Variants in CTNNA1 observed in about 807,000 individuals in gnomAD.
CTNNA1 encodes catenin alpha 1, also known as catenin alpha-1.
In CTNNA1, 37 loss-of-function variants were observed where a neutral mutation model predicts 98.4. That is an observed-to-expected ratio of 0.38 (90% CI 0.29 to 0.49). The LOEUF (loss-of-function observed/expected upper bound fraction) is 0.49. Ranked by LOEUF, CTNNA1 falls within the 20% of genes least tolerant of loss-of-function variation. The pLI, the probability that CTNNA1 is intolerant of heterozygous loss-of-function variation, is 0.95. For missense variants in CTNNA1, 761 were observed against 1,147.2 expected (o/e 0.66, Z 4.86); for synonymous variants, 404 against 413.2 (o/e 0.98, Z 0.27).
At chr5:138,872,929 G>T in intron 7 of CTNNA1, 1 of 992,162 alleles carries the variant, frequency 1.0e-6, no homozygotes, top group Non-Finnish European at 1.4e-6. Context: ...TGTCACCATT[G>T]GTAAAAATTA....
chr5:138,864,857 C>G (rs993934752), intron 7 of CTNNA1, among the ~76,000 whole-genome samples: 1 of 151,958 alleles, frequency 6.6e-6, no homozygotes, highest in African/African-American at 2.4e-5. Flanking sequence ...CTCTGTTGCC[C>G]AGGCTGGAGT....
At chr5:138,903,929 T>A (rs1309449878) in intron 9 of CTNNA1, among the ~76,000 whole-genome samples, 1 of 152,236 alleles carries the variant, frequency 6.6e-6, no homozygotes, top group Admixed American at 6.5e-5. Flanking sequence ...TTAGAGTTTT[T>A]TATTTCCTTC....
intron 10 of CTNNA1, among the ~76,000 whole-genome samples, chr5:138,910,863 C>T (rs1471920574): frequency 1.3e-5 from 2 of 152,112 alleles, no homozygotes; most frequent in Non-Finnish European, 2.9e-5. Flanking sequence ...AGGCCTTGGT[C>T]GTAGGCCTTT....
rs933844305 is a variant in CTNNA1 at position 138,924,813 on chromosome 5, C to T, written c.1747+103C>T. The T allele has an allele frequency of 4.6e-6, 5 of 1,095,526 alleles. No homozygotes were observed. The African/African-American group carries it at 4.7e-5, about 10-fold the overall frequency. The allele number at this position is 1,095,526 out of a possible 1,614,324, so 67.9% of individuals were successfully genotyped here. A position where few individuals can be genotyped will look rare whatever the true frequency, so the allele number is the denominator to read the frequency against. ...GTGGTGAGGAAGGAGGAGTTGGGAA[C>T]TCAGATTTGGTCTCATGGCACATCG... On this transcript the variant is annotated intron_variant, in intron 12 of 17. Coordinates refer to ENST00000302763, the MANE Select transcript of CTNNA1 (RefSeq NM_001903.5).
At chr5:138,853,468 C>G (rs760927349) in intron 7 of CTNNA1, among the ~76,000 whole-genome samples, 5 of 150,304 alleles carry the variant, frequency 3.3e-5, no homozygotes, top group Non-Finnish European at 7.4e-5. Flanking sequence ...CTTTTTTAAT[C>G]CTTCCTAGCC....
intron 8 of CTNNA1, among the ~76,000 whole-genome samples, chr5:138,887,220 G>A (rs1315458241): frequency 1.3e-5 from 2 of 152,018 alleles, no homozygotes; most frequent in African/African-American, 4.8e-5. Context: ...CCCTAGTTTT[G>A]TAATTCCCAA....
chr5:138,824,586 G>A lies in CTNNA1; in HGVS notation c.645G>A (p.Gln215=). Residue 215 remains glutamine (Q), a synonymous_variant, in exon 6 of 18, where the codon CAG becomes CAA. Coordinates refer to ENST00000302763, the MANE Select transcript of CTNNA1 (RefSeq NM_001903.5). ...DQMAAARGIL[Q]KNVPILYTAS... is the part of the protein sequence containing the mutation. ...TGGCTGCAGCTAGAGGAATCCTGCAGAAGAACGTTCCGATCCTCTATACTG... is the reference window on the plus strand; with the variant it reads ...TGGCTGCAGCTAGAGGAATCCTGCAAAAGAACGTTCCGATCCTCTATACTG... 6.2e-7 allele frequency: 1 copy of A among 1,614,188 alleles called. No individual in the cohort carries two copies. The highest frequency in any genetic ancestry group is 1.1e-5 in the South Asian group (1 of 91,092).
At chr5:138,813,884 C>G (rs1243838996) in intron 5 of CTNNA1, among the ~76,000 whole-genome samples, 1 of 152,146 alleles carries the variant, frequency 6.6e-6, no homozygotes, top group Non-Finnish European at 1.5e-5. Context: ...TCCCAAGGTA[C>G]TGGGATTACA....
intron 7 of CTNNA1, among the ~76,000 whole-genome samples, chr5:138,850,732 G>C (rs1035172507): frequency 6.6e-6 from 1 of 152,128 alleles, no homozygotes; most frequent in East Asian, 1.9e-4. Context: ...TCTGGATCCA[G>C]GGTCTTATCC....
intron 3 of CTNNA1, among the ~76,000 whole-genome samples, chr5:138,791,200 C>T (rs993153841): frequency 6.6e-6 from 1 of 152,104 alleles, no homozygotes; most frequent in African/African-American, 2.4e-5. Flanking sequence ...GCTTTCAGGT[C>T]ATTCCATTTC....
chr5:138,812,017 T>C (rs906414408), intron 4 of CTNNA1, 166 bp from the exon 5 acceptor site: 2 of 566,570 alleles, frequency 3.5e-6, no homozygotes, highest in African/African-American at 3.8e-5. Flanking sequence ...ATGAAGCTCC[T>C]GTGTAATTGC....
intron 7 of CTNNA1, chr5:138,870,796 G>C (rs1008183254): frequency 6.6e-6 from 1 of 152,152 alleles, no homozygotes; most frequent in East Asian, 1.9e-4. Context: ...ATTTTAGCTC[G>C]TGGTGCTCTT....
chr5:138,909,806 A>G (rs1046371885), intron 10 of CTNNA1, among the ~76,000 whole-genome samples: 3 of 152,188 alleles, frequency 2.0e-5, no homozygotes, highest in African/African-American at 7.2e-5. Context: ...CACACATCAA[A>G]TAAGCATAAA....
chr5:138,931,075 A>T (rs939619229), intron 16 of CTNNA1, 140 bp downstream of exon 16: 3 of 640,806 alleles, frequency 4.7e-6, no homozygotes, highest in African/African-American at 3.7e-5. Flanking sequence ...TAATCCCAGC[A>T]TAGATTTGTA....
intron 10 of CTNNA1, among the ~76,000 whole-genome samples, chr5:138,914,212 G>T (rs376995990): frequency 2.0e-5 from 3 of 152,122 alleles, no homozygotes; most frequent in African/African-American, 4.8e-5. Flanking sequence ...TAAGTAAAAC[G>T]TGTGATTAAT....
At chr5:138,916,614 C>G (rs1052982050) in intron 10 of CTNNA1, among the ~76,000 whole-genome samples, 1 of 151,984 alleles carries the variant, frequency 6.6e-6, no homozygotes, top group African/African-American at 2.4e-5. Flanking sequence ...CCTTGACCTC[C>G]TGGGCTCAAG....
Position 138,930,611 on chromosome 5 carries a change from A to C in CTNNA1, c.2149A>C (p.Lys717Gln). ...DSGNDIIVLA[K>Q]QMCMIMMEMT... ...TGGCAATGACATCATTGTGCTGGCC[A>C]AGCAGATGTGCATGATTATGATGGA... Residue 717 changes from lysine to glutamine, a missense_variant, in exon 15 of 18, where the codon AAG becomes CAG. Lys to Gln is a moderately conservative substitution (Grantham distance 53, BLOSUM62 1). Around this residue, in one of 6 missense-constraint regions of CTNNA1, gnomAD observed 77 missense variants for 198.8 expected, o/e 0.39. Coordinates refer to ENST00000302763, the MANE Select transcript of CTNNA1 (RefSeq NM_001903.5). 6.2e-7 allele frequency: 1 copy of C among 1,613,966 alleles called. No homozygotes were observed. Among genetic ancestry groups the C allele is most frequent in the Non-Finnish European group, 8.5e-7 (1 of 1,179,986 alleles).
Position 138,917,707 on chromosome 5 carries a change from A to G in CTNNA1, c.1390-35A>G, listed in dbSNP as rs373074612. The G allele has an allele frequency of 5.1e-5, 82 of 1,606,908 alleles. No individual in the cohort carries two copies. The African/African-American group carries it at 1.0e-3, about 20-fold the overall frequency. On this transcript the variant is annotated intron_variant, in intron 10 of 17. Transcript: ENST00000302763. ...TGTAAGACAAAGCCATGACTCTGAA[A>G]AAGAGTAAACAGTGAAGTTTAATAT...
intron 17 of CTNNA1, chr5:138,933,040 A>G: frequency 2.7e-6 from 2 of 753,924 alleles, no homozygotes; most frequent in Non-Finnish European, 4.8e-6. Flanking sequence ...AGGCTGAGAC[A>G]CAATAATTAC....
Sources: allele counts gnomAD v4.1 joint callset (sites outside exome capture counted in the v4.1 genomes callset), GRCh38; gene constraint gnomAD v4.1.1; regional missense constraint gnomAD v4.1.1; transcripts MANE v1.5; gene names NCBI Gene and HGNC (gene_info 2026-07-23, HGNC 2026-07-21).